The following PTPRT variants were observed in gnomAD, a reference collection of about 807,000 sequenced individuals.
The protein encoded by PTPRT is protein tyrosine phosphatase receptor type T, also known as receptor-type tyrosine-protein phosphatase T.
PTPRT carries 56 observed loss-of-function variants against 176.8 expected under a neutral mutation model. The observed-to-expected ratio is 0.32, with a 90% CI of 0.26 to 0.40. The LOEUF is 0.40. Among genes scored for constraint, PTPRT ranks in the 10% least tolerant of loss-of-function variants. The pLI, the probability that PTPRT is intolerant of heterozygous loss-of-function variation, is 1.00. For missense variants in PTPRT, 1,540 were observed against 1,908.2 expected, an observed-to-expected ratio of 0.81 and a Z score of 3.60; for synonymous variants, 783 against 739.0, an observed-to-expected ratio of 1.06 and a Z score of -0.96.
At chr20:42,147,799 G>A (rs1204333556) in intron 17 of PTPRT, among the ~76,000 whole-genome samples, 4 of 152,314 alleles carry the variant, frequency 2.6e-5, no homozygotes, top group South Asian at 4.1e-4. Flanking sequence ...TAGGCCTGGG[G>A]GCTGTGATGA....
At chr20:42,349,644 G>C (rs1600870684) in intron 11 of PTPRT, among the ~76,000 whole-genome samples, 2 of 152,156 alleles carry the variant, frequency 1.3e-5, no homozygotes, top group African/African-American at 4.8e-5. Context: ...TTTAGGCCTT[G>C]GGCCCCGCCT....
At chr20:42,673,091 A>G (rs1485159414) in intron 7 of PTPRT, among the ~76,000 whole-genome samples, 1 of 152,196 alleles carries the variant, frequency 6.6e-6, no homozygotes, top group African/African-American at 2.4e-5. Context: ...TCTCAAGAGG[A>G]CACTTGTGGG....
intron 1 of PTPRT, among the ~76,000 whole-genome samples, chr20:42,896,623 A>G (rs208204): frequency 1 from 144,352 of 144,820 alleles, 71,943 homozygotes; most frequent in Middle Eastern, 1. Flanking sequence ...CAACATGAGC[A>G]CAACTCCGTC....
chr20:42,490,525 G>A (rs6102855), intron 7 of PTPRT, among the ~76,000 whole-genome samples: 21,674 of 151,920 alleles, frequency 0.14, 3,746 homozygotes, highest in African/African-American at 0.42. Context: ...CTGGTGTACA[G>A]ACATGCTATT....
At chr20:42,032,164 AGAGAG>A in the PTPRT span, among the ~76,000 whole-genome samples, 1 of 152,004 alleles carries the variant, frequency 6.6e-6, no homozygotes, top group African/African-American at 2.4e-5. Context: ...AAAGAGAGAG[AGAGAG>A]AAGGAAAAAG....
At chr20:42,699,040 G>A (rs761147519) in intron 6 of PTPRT, among the ~76,000 whole-genome samples, 22 of 152,166 alleles carry the variant, frequency 1.4e-4, no homozygotes, top group South Asian at 2.1e-4. Context: ...GAGGAGAGAC[G>A]ATGGAGAAGA....
chr20:42,086,741 A>ATATATATATATATAT (rs1311915259), intron 27 of PTPRT, among the ~76,000 whole-genome samples: 1 of 37,972 alleles, frequency 2.6e-5, no homozygotes, highest in African/African-American at 1.1e-4. Flanking sequence ...AAAAAAAAAA[A>ATATATATATATATAT]AAAAAAAAAA....
Position 42,449,395 on chromosome 20 carries a change from G to A in PTPRT, c.1451-1066C>T, listed in dbSNP as rs62203502. On this transcript the variant is annotated intron_variant, in intron 8 of 30. Transcript: ENST00000373187. Reference sequence around the variant, plus strand: ...CTATTCTTACAACAGTCTGGAAGACGGTGAGCCAGAAAACAAATTATTCCC... The same window carrying A: ...CTATTCTTACAACAGTCTGGAAGACAGTGAGCCAGAAAACAAATTATTCCC... Among the ~76,000 whole-genome samples, 243 of 152,204 alleles carry A rather than the reference G, an allele frequency of 1.6e-3. 1 individual carries two copies. Among genetic ancestry groups the A allele is most frequent in the Middle Eastern group, 0.01 (3 of 292 alleles).
At chr20:42,316,044 A>G in intron 11 of PTPRT, 48 bp from the exon 12 acceptor site, 1 of 1,595,780 alleles carries the variant, frequency 6.3e-7, no homozygotes, top group Non-Finnish European at 8.6e-7. Context: ...TTTCTGGAAG[A>G]ATGAGCTTGT....
At chr20:42,926,992 T>C (rs1365748923) in intron 1 of PTPRT, among the ~76,000 whole-genome samples, 1 of 152,040 alleles carries the variant, frequency 6.6e-6, no homozygotes, top group East Asian at 1.9e-4. Context: ...ACACACACAC[T>C]CATTCAAGAT....
At chr20:42,365,593 T>C (rs565999817) in intron 9 of PTPRT, among the ~76,000 whole-genome samples, 17 of 151,900 alleles carry the variant, frequency 1.1e-4, no homozygotes, top group South Asian at 2.1e-4. Flanking sequence ...CCGGGCCACA[T>C]TGGAAGAAGA....
At chr20:42,064,743 TG>T in the PTPRT span, among the ~76,000 whole-genome samples, 1 of 152,238 alleles carries the variant, frequency 6.6e-6, no homozygotes, top group African/African-American at 2.4e-5. Flanking sequence ...GTAATTGTGG[TG>T]GTCTTAAAAC....
At chr20:42,137,955 C>T (rs530039105) in intron 18 of PTPRT, among the ~76,000 whole-genome samples, 10 of 152,300 alleles carry the variant, frequency 6.6e-5, no homozygotes, top group Admixed American at 1.3e-4. Context: ...CCTGTGTGCC[C>T]GCAGACCCCC....
chr20:42,690,233 T>C (rs1431543414), intron 6 of PTPRT, among the ~76,000 whole-genome samples: 1 of 152,162 alleles, frequency 6.6e-6, no homozygotes, highest in Non-Finnish European at 1.5e-5. Flanking sequence ...AGGAATGGTC[T>C]TCATCCTGAG....
intron 11 of PTPRT, among the ~76,000 whole-genome samples, chr20:42,341,295 G>T (rs530714192): frequency 1.3e-5 from 2 of 152,052 alleles, no homozygotes; most frequent in African/African-American, 4.8e-5. Flanking sequence ...ACACCAGATG[G>T]TCCATTTTCC....
intron 1 of PTPRT, among the ~76,000 whole-genome samples, chr20:42,922,224 G>A (rs545563800): frequency 6.8e-4 from 103 of 152,178 alleles, no homozygotes; most frequent in African/African-American, 2.0e-3. Flanking sequence ...GTGAGCCACC[G>A]CGCCTGGCCC....
rs180671915 is a variant in PTPRT, at chr20:42,988,463, A to T, written c.89-102531T>A. Among the ~76,000 whole-genome samples, 712 of 152,086 alleles carry T rather than the reference A, an allele frequency of 4.7e-3. 8 individuals are homozygous for T. Among genetic ancestry groups the T allele is most frequent in the African/African-American group, 0.016 (682 of 41,462 alleles). On this transcript the variant is annotated intron_variant, in intron 1 of 30. Transcript: ENST00000373187. The stretch of plus-strand genomic sequence containing the variant: ...GGGACAGGGTCATGGGATGGGGGAG[A>T]TGTACCAGGCTTCCCTCCCTCTGAC...
At chr20:42,163,228 G>T (rs1989685441) in intron 16 of PTPRT, among the ~76,000 whole-genome samples, 1 of 152,144 alleles carries the variant, frequency 6.6e-6, no homozygotes, top group Non-Finnish European at 1.5e-5. Flanking sequence ...GCAGAGTGTG[G>T]TCTCTAAAAC....
intron 1 of PTPRT, among the ~76,000 whole-genome samples, chr20:43,118,748 A>G (rs543840641): frequency 6.6e-6 from 1 of 152,238 alleles, no homozygotes; most frequent in African/African-American, 2.4e-5. Flanking sequence ...ATATATTCCC[A>G]TTTTATAAAC....
Sources: allele counts gnomAD v4.1 joint callset (sites outside exome capture counted in the v4.1 genomes callset), GRCh38; gene constraint gnomAD v4.1.1; transcripts MANE v1.5; gene names NCBI Gene and HGNC (gene_info 2026-07-23, HGNC 2026-07-21).